The following LRP1B variants were observed in gnomAD, a reference collection of about 807,000 sequenced individuals.
LRP1B encodes the protein LDL receptor related protein 1B, also known as low-density lipoprotein receptor-related protein 1B.
Under a neutral mutation model 556.6 loss-of-function variants are expected in LRP1B, and 217 were observed. That is an observed-to-expected ratio of 0.39 (90% CI 0.35 to 0.44). The LOEUF is 0.44. Among genes scored for constraint, LRP1B ranks in the 20% least tolerant of loss-of-function variants. The pLI is 1.00. For synonymous variants in LRP1B, 2,047 were observed against 1,865.8 expected, an observed-to-expected ratio of 1.10 and a Z score of -2.50; for missense variants, 5,053 against 5,620.8, an observed-to-expected ratio of 0.90 and a Z score of 3.23.
intron 2 of LRP1B, among the ~76,000 whole-genome samples, chr2:141,493,687 T>A (rs1683416626): frequency 6.6e-6 from 1 of 152,122 alleles, no homozygotes; most frequent in Non-Finnish European, 1.5e-5. Context: ...AGGAGATTAT[T>A]TGAGGGGTCC....
At chr2:140,591,787 A>T (rs945156130) in intron 43 of LRP1B, among the ~76,000 whole-genome samples, 2 of 152,216 alleles carry the variant, frequency 1.3e-5, no homozygotes, top group African/African-American at 4.8e-5. Flanking sequence ...TCCATTTTAC[A>T]TATATACATA....
intron 2 of LRP1B, among the ~76,000 whole-genome samples, chr2:141,672,064 A>C (rs550934857): frequency 6.6e-6 from 1 of 152,182 alleles, no homozygotes; most frequent in Admixed American, 6.6e-5. Flanking sequence ...AAAAAAGAAA[A>C]GTATAGGGTG....
At chr2:141,359,432 A>T (rs145791124) in intron 3 of LRP1B, among the ~76,000 whole-genome samples, 197 of 152,272 alleles carry the variant, frequency 1.3e-3, no homozygotes, top group African/African-American at 4.5e-3. Flanking sequence ...TAAATGACTT[A>T]CGAGGAAAAG....
rs57220779 is a variant in LRP1B at position 140,856,738 on chromosome 2, TACAC to T, written c.4580-4959_4580-4956del. ...ATACGCTGGCGGGAACTAAGAGAGA[TACAC>T]ACACACACACACACACACACACACA... On this transcript the variant is annotated intron_variant, in intron 27 of 90. Coordinates refer to ENST00000389484, the MANE Select transcript of LRP1B (RefSeq NM_018557.3). Among the ~76,000 whole-genome samples, 1,192 of 148,444 alleles carry T rather than the reference TACAC, an allele frequency of 8.0e-3. 16 individuals carry two copies. Among genetic ancestry groups the T allele is most frequent in the African/African-American group, 0.027 (1,060 of 39,804 alleles).
intron 3 of LRP1B, among the ~76,000 whole-genome samples, chr2:141,367,470 GCTTT>G (rs1689081559): frequency 1.2e-5 from 1 of 82,610 alleles, no homozygotes; most frequent in African/African-American, 4.6e-5. Context: ...CATTTGAAAT[GCTTT>G]TTTTTTTTTT....
intron 1 of LRP1B, among the ~76,000 whole-genome samples, chr2:141,871,849 C>T (rs1331096343): frequency 2.0e-5 from 3 of 151,998 alleles, no homozygotes; most frequent in African/African-American, 7.2e-5. Context: ...AGACCACCCT[C>T]AACCTATAGT....
chr2:141,107,285 A>T (rs1323265270), intron 7 of LRP1B, among the ~76,000 whole-genome samples: 1 of 152,154 alleles, frequency 6.6e-6, no homozygotes, highest in Non-Finnish European at 1.5e-5. Flanking sequence ...TGATTTATGC[A>T]CTATATAATT....
intron 1 of LRP1B, among the ~76,000 whole-genome samples, chr2:142,027,107 G>T (rs35233032): frequency 6.6e-6 from 1 of 151,676 alleles, no homozygotes; most frequent in African/African-American, 2.4e-5. Context: ...ATCTGCATGC[G>T]CTTTGTGGGT....
chr2:141,079,452 G>T (rs1385959151), intron 7 of LRP1B, among the ~76,000 whole-genome samples: 1 of 152,122 alleles, frequency 6.6e-6, no homozygotes, highest in African/African-American at 2.4e-5. Flanking sequence ...ATGTAAATAA[G>T]GATAATAGCA....
chr2:141,132,872 T>C (rs1286699462), intron 7 of LRP1B, among the ~76,000 whole-genome samples: 4 of 152,022 alleles, frequency 2.6e-5, no homozygotes. Context: ...GAACATATCT[T>C]ACAGAACTTT....
At position 141,246,013 on chromosome 2, in the gene LRP1B, G is replaced by A. The variant is rs534400494; in HGVS notation, c.592+1213C>T. ...AAACAAATCCAACAAGTTCTGTACCGTCATAATGCTTATATTATTCTGGAG... is the reference window on the plus strand; with the variant it reads ...AAACAAATCCAACAAGTTCTGTACCATCATAATGCTTATATTATTCTGGAG... On this transcript the variant is annotated intron_variant, in intron 5 of 90. Coordinates refer to ENST00000389484, the MANE Select transcript of LRP1B (RefSeq NM_018557.3). 9.2e-5 allele frequency among the ~76,000 whole-genome samples: 14 copies of A among 152,106 alleles called. 1 individual carries two copies. Among genetic ancestry groups the A allele is most frequent in the African/African-American group, 2.2e-4 (9 of 41,516 alleles).
At chr2:140,995,001 T>C (rs1697201163) in intron 15 of LRP1B, among the ~76,000 whole-genome samples, 1 of 151,962 alleles carries the variant, frequency 6.6e-6, no homozygotes, top group South Asian at 2.1e-4. Flanking sequence ...ACTAAAACAC[T>C]ACTGAGAAGT....
intron 41 of LRP1B, among the ~76,000 whole-genome samples, chr2:140,674,304 C>T (rs1403762695): frequency 6.6e-6 from 1 of 152,108 alleles, no homozygotes; most frequent in African/African-American, 2.4e-5. Flanking sequence ...ACATAACCAG[C>T]TCTTTCTCCA....
rs113539738 is a variant in LRP1B at position 141,666,657 on chromosome 2, T to G, written c.205+143622A>C. On this transcript the variant is annotated intron_variant, in intron 2 of 90. Transcript: ENST00000389484. ...AGGGAATGGTCCAGATACAAGTCTG[T>G]AACCCAACCAGATCCTTGCTGGAGA... Among the ~76,000 whole-genome samples the G allele has an allele frequency of 1.7e-3, 256 of 152,320 alleles. 1 individual carries two copies. The highest frequency in any genetic ancestry group is 5.9e-3 in the African/African-American group (244 of 41,580).
At chr2:141,363,400 T>G (rs1325272795) in intron 3 of LRP1B, among the ~76,000 whole-genome samples, 2 of 152,040 alleles carry the variant, frequency 1.3e-5, no homozygotes, top group Admixed American at 6.6e-5. Context: ...AACTGGAGAT[T>G]GTGTGTTTAT....
chr2:141,345,686 AT>A (rs1253881960), intron 3 of LRP1B, among the ~76,000 whole-genome samples: 1 of 116,068 alleles, frequency 8.6e-6, no homozygotes, highest in Non-Finnish European at 1.8e-5. Context: ...TTTACTTTTT[AT>A]AAAAACAGGG....
chr2:140,309,581 T>G (rs1422834295), intron 83 of LRP1B, among the ~76,000 whole-genome samples: 1 of 151,702 alleles, frequency 6.6e-6, no homozygotes, highest in East Asian at 1.9e-4. Context: ...CTTATGAAGA[T>G]TCAAAGGGAG....
chr2:140,593,309 A>C (rs1044632014), intron 43 of LRP1B, among the ~76,000 whole-genome samples: 1 of 152,210 alleles, frequency 6.6e-6, no homozygotes, highest in Non-Finnish European at 1.5e-5. Flanking sequence ...GGTTTGTATC[A>C]TGCAGGTAGC....
At chr2:140,242,847 G>T (rs58636843) in intron 87 of LRP1B, among the ~76,000 whole-genome samples, 9,804 of 151,244 alleles carry the variant, frequency 0.065, 353 homozygotes, top group Middle Eastern at 0.13. Flanking sequence ...ATATAAATCA[G>T]ATGGGCAATT....
Sources: allele counts gnomAD v4.1 joint callset (sites outside exome capture counted in the v4.1 genomes callset), GRCh38; gene constraint gnomAD v4.1.1; transcripts MANE v1.5; gene names NCBI Gene and HGNC (gene_info 2026-07-23, HGNC 2026-07-21).